The following PSG4 variants were observed in gnomAD, a reference collection of about 807,000 sequenced individuals.
PSG4 encodes pregnancy specific beta-1-glycoprotein 4.
PSG4 carries 61 observed loss-of-function variants against 44.3 expected under a neutral mutation model. The ratio of observed to expected loss-of-function variants is 1.38; its 90% confidence interval spans 1.12 to 1.70. PSG4 has a LOEUF of 1.70. Ranked by LOEUF, PSG4 falls within the 40% of genes most tolerant of loss-of-function variation. The pLI, the probability that PSG4 is intolerant of heterozygous loss-of-function variation, is 0.00. For synonymous variants in PSG4, 248 were observed against 191.3 expected (o/e 1.30, Z -2.45); for missense variants, 677 against 511.7 (o/e 1.32, Z -3.12).
rs1377743688 is a variant in PSG4, at chr19:43,192,949, G to A, written c.*423C>T. The A allele has an allele frequency of 9.5e-5, 42 of 444,300 alleles. No homozygotes were observed. In the East Asian group the frequency reaches 1.2e-3, roughly 13 times the overall value. The allele number at this position is 444,300 out of a possible 1,614,324, so 27.5% of individuals were successfully genotyped here. ...GAGAGAGCCACATTTCCCCTGAGAT[G>A]TTACGTAAAAGTTTGAGGTTGAGAT... On this transcript the variant is annotated 3_prime_UTR_variant, in exon 6 of 6. Transcript: ENST00000405312.
intron 2 of PSG4, among the ~76,000 whole-genome samples, chr19:43,199,196 G>A (rs1288839340): frequency 6.9e-6 from 1 of 145,932 alleles, no homozygotes; most frequent in African/African-American, 2.6e-5. Flanking sequence ...AAGAAGTCTT[G>A]CAGATACTTT....
rs1000979273 is a variant in PSG4, at chr19:43,197,800, G to C, written c.709+197C>G. 57 of 1,147,284 alleles carry C rather than the reference G, an allele frequency of 5.0e-5. 8 individuals carry two copies. The African/African-American group carries it at 9.6e-4, about 19-fold the overall frequency. 71.1% of individuals were successfully genotyped at this position (1,147,284 alleles called of 1,614,324 possible). A position where few individuals can be genotyped will look rare whatever the true frequency, so the allele number is the denominator to read the frequency against. On this transcript the variant is annotated intron_variant, in intron 3 of 5. Transcript: ENST00000405312. ...TGTGGAACCTGAGTCTCCCATGACA[G>C]GAGCAGCCTCTTTTCTCCTATTGTG...
chr19:43,204,921 T>C, intron 1 of PSG4: 1 of 322,488 alleles, frequency 3.1e-6, no homozygotes, highest in Non-Finnish European at 5.9e-6. Context: ...ATAGTTATTG[T>C]TATCATTTTT....
rs571960356 is a variant in PSG4, at chr19:43,198,210, T to C, written c.496A>G (p.Ile166Val). Residue 166 changes from isoleucine (I) to valine (V), a missense_variant, in exon 3 of 6, where the codon ATC becomes GTC. By Grantham distance (29) the Ile-to-Val change is conservative. Coordinates refer to ENST00000405312, the MANE Select transcript of PSG4 (RefSeq NM_002780.5). ...LNPREAMEAV[I>V]LTCDPATPAA... ...GGAGTCGCAGGATCACAGGTTAAGA[T>C]CACAGCCTCCATGGCCTCCCTGGGA... 1.9e-6 allele frequency: 3 copies of C among 1,587,438 alleles called. 1 individual carries two copies. The highest frequency in any genetic ancestry group is 2.6e-6 in the Non-Finnish European group (3 of 1,171,784).
chr19:43,198,356 T>G, intron 2 of PSG4, 81 bp from the exon 3 acceptor site: 1 of 1,518,908 alleles, frequency 6.6e-7, no homozygotes. Flanking sequence ...GAGTTGGCAT[T>G]TCCCACCTCT....
At position 43,193,263 on chromosome 19, in the gene PSG4, A is replaced by C; in HGVS notation, c.*109T>G. 1 of 768,092 alleles carries C rather than the reference A, an allele frequency of 1.3e-6. No individual in the cohort carries two copies. Among genetic ancestry groups the C allele is most frequent in the Non-Finnish European group, 2.4e-6 (1 of 417,496 alleles). The allele number at this position is 768,092 out of a possible 1,614,324, so 47.6% of individuals were successfully genotyped here. A position where few individuals can be genotyped will look rare whatever the true frequency, so the allele number is the denominator to read the frequency against. On this transcript the variant is annotated 3_prime_UTR_variant, in exon 6 of 6. Coordinates refer to ENST00000405312, the MANE Select transcript of PSG4 (RefSeq NM_002780.5). ...TGTCAGGTACAAGGGTTTTCCCATG[A>C]AATTTACATCGAGTTGTCCACCTCC...
At position 43,198,022 on chromosome 19, in the gene PSG4, A is replaced by G. The variant is rs1967328301; in HGVS notation, c.684T>C (p.Ser228=). ...GGAGGAGATTCAGGGTGACTGGGTC[A>G]CTGCGGCTGGCACTCACTGGGTTCC... ...EIRNPVSASR[S]DPVTLNLLPK... Residue 228 remains serine, a synonymous_variant, in exon 3 of 6, where the codon AGT becomes AGC. Coordinates refer to ENST00000405312, the MANE Select transcript of PSG4 (RefSeq NM_002780.5). 9.4e-6 allele frequency: 15 copies of G among 1,587,930 alleles called. 1 individual carries two copies. Among genetic ancestry groups the G allele is most frequent in the Non-Finnish European group, 1.3e-5 (15 of 1,171,996 alleles).
chr19:43,202,713 CATATT>C lies in PSG4; in HGVS notation c.430+1168_430+1172del, dbSNP rs1445870137. Among the ~76,000 whole-genome samples the C allele has an allele frequency of 1.4e-5, 2 of 144,664 alleles. 1 individual carries two copies. Among genetic ancestry groups the C allele is most frequent in the East Asian group, 4.8e-4 (2 of 4,188 alleles). 94.9% of individuals were successfully genotyped at this position (144,664 alleles called of 152,430 possible). A position where few individuals can be genotyped will look rare whatever the true frequency, so the allele number is the denominator to read the frequency against. On this transcript the variant is annotated intron_variant, in intron 2 of 5. Transcript: ENST00000405312. ...TTAAGATCTGAGGGGGAGGCCTGGACATATTTTTTGCACTGACTCTGATGGTTGAG... is the reference window on the plus strand; with the variant it reads ...TTAAGATCTGAGGGGGAGGCCTGGACTTTTGCACTGACTCTGATGGTTGAG...
intron 2 of PSG4, among the ~76,000 whole-genome samples, chr19:43,200,839 G>A (rs1967476944): frequency 1.4e-5 from 2 of 146,096 alleles, no homozygotes; most frequent in African/African-American, 2.6e-5. Context: ...CAAAGTCCTG[G>A]GATTATAGGC....
Position 43,194,896 on chromosome 19 carries a change from G to A in PSG4, c.988+99C>T, listed in dbSNP as rs1264192382. The A allele has an allele frequency of 6.0e-5, 94 of 1,556,050 alleles. 1 individual carries two copies. Among genetic ancestry groups the A allele is most frequent in the Non-Finnish European group, 7.5e-5 (86 of 1,153,230 alleles). ...CCACCTCGGATGTCCAGAAGTAAAG[G>A]TGTCTATACTTGGACTGGAGAGAGA... is the stretch of plus-strand genomic sequence containing the variant. On this transcript the variant is annotated intron_variant, in intron 4 of 5. Coordinates refer to ENST00000405312, the MANE Select transcript of PSG4 (RefSeq NM_002780.5).
intron 5 of PSG4, chr19:43,193,947 A>G (rs1599764266): frequency 3.9e-6 from 3 of 770,320 alleles, no homozygotes; most frequent in East Asian, 2.5e-5. Context: ...TGTTTCAATT[A>G]CGGTTCCCAG....
intron 2 of PSG4, among the ~76,000 whole-genome samples, chr19:43,200,494 A>G (rs1568387897): frequency 1.4e-5 from 2 of 145,032 alleles, no homozygotes; most frequent in Admixed American, 6.8e-5. Context: ...GGAAGTTTCT[A>G]TTGACACATC....
rs570184540 is a variant in PSG4, at chr19:43,197,720, G to A, written c.709+277C>T. ...ACACTGAAGTCCCAGCCAAATCCCC[G>A]CTGTGTTCACTGATCTGGAGCCTGA... On this transcript the variant is annotated intron_variant, in intron 3 of 5. Transcript: ENST00000405312. The A allele has an allele frequency of 1.3e-4, 87 of 644,918 alleles. 8 individuals carry two copies. The highest frequency in any genetic ancestry group is 4.7e-4 in the South Asian group (21 of 44,308). 39.9% of individuals were successfully genotyped at this position (644,918 alleles called of 1,614,324 possible).
chr19:43,203,729 T>C lies in PSG4; in HGVS notation c.430+157A>G, dbSNP rs938116915. 8.4e-6 allele frequency: 11 copies of C among 1,305,830 alleles called. 1 individual carries two copies. Among genetic ancestry groups the C allele is most frequent in the Non-Finnish European group, 1.1e-5 (11 of 964,518 alleles). 80.9% of individuals were successfully genotyped at this position (1,305,830 alleles called of 1,614,324 possible). On this transcript the variant is annotated intron_variant, in intron 2 of 5. Transcript: ENST00000405312. ...AAAGGAATTCTGATCTGTTGAAATT[T>C]GTCTCCTCTGTGTGTCCTGCACTAA...
chr19:43,197,318 C>T (rs1161110741), intron 3 of PSG4, among the ~76,000 whole-genome samples: 1 of 145,534 alleles, frequency 6.9e-6, no homozygotes, highest in Non-Finnish European at 1.5e-5. Context: ...AAACATATTG[C>T]CAATGCTCCA....
rs1353090186 is a variant in PSG4 at position 43,194,167 on chromosome 19, G to C, written c.1243+173C>G. On this transcript the variant is annotated intron_variant, in intron 5 of 5. Coordinates refer to ENST00000405312, the MANE Select transcript of PSG4 (RefSeq NM_002780.5). Reference sequence around the variant, plus strand: ...ATTTTAAGAAGATATCAGCCTGTTTGTTAAAGTTTTGGAAGTTCTTAGACA... The same window carrying C: ...ATTTTAAGAAGATATCAGCCTGTTTCTTAAAGTTTTGGAAGTTCTTAGACA... The C allele has an allele frequency of 2.2e-5, 33 of 1,516,240 alleles. 1 individual carries two copies. The highest frequency in any genetic ancestry group is 2.7e-5 in the South Asian group (2 of 74,952). The allele number at this position is 1,516,240 out of a possible 1,614,324, so 93.9% of individuals were successfully genotyped here.
Position 43,195,062 on chromosome 19 carries a change from A to C in PSG4, c.921T>G (p.Pro307=). Residue 307 remains proline, a synonymous_variant, in exon 4 of 6, where the codon CCT becomes CCG. Coordinates refer to ENST00000405312, the MANE Select transcript of PSG4 (RefSeq NM_002780.5). ...ATCGGTCCCGTATTTCACATTGATA[A>C]GGTCCTGTTTCATTTCTCGTGACAT... ...LPNVTRNETG[P]YQCEIRDRYG... is the part of the protein sequence containing the mutation. The C allele has an allele frequency of 6.2e-7, 1 of 1,611,768 alleles. No individual in the cohort carries two copies. Among genetic ancestry groups the C allele is most frequent in the Non-Finnish European group, 8.5e-7 (1 of 1,179,050 alleles).
chr19:43,205,207 A>G (rs1205240558), intron 1 of PSG4, among the ~76,000 whole-genome samples: 2 of 131,498 alleles, frequency 1.5e-5, no homozygotes, highest in African/African-American at 6.3e-5. Context: ...TCGTGGGTGC[A>G]CGTGATTCTC....
At chr19:43,200,346 A>T (rs1447320757) in intron 2 of PSG4, among the ~76,000 whole-genome samples, 1 of 138,772 alleles carries the variant, frequency 7.2e-6, no homozygotes, top group South Asian at 2.3e-4. Context: ...CATTATGTGT[A>T]TGTTACAGCC....
Sources: gnomAD v4.1 joint callset for allele counts (sites outside exome capture counted in the v4.1 genomes callset) on GRCh38, gnomAD v4.1.1 for gene constraint, MANE v1.5 for transcripts, NCBI Gene and HGNC (gene_info 2026-07-23, HGNC 2026-07-21) for gene names.